The following MBIP variants were observed in gnomAD, a reference collection of about 807,000 sequenced individuals.
MBIP encodes MAP3K12-binding inhibitory protein 1.
In MBIP, 32 loss-of-function variants were observed where a neutral mutation model predicts 45.7. The observed-to-expected ratio is 0.70, with a 90% confidence interval of 0.53 to 0.94. The LOEUF is 0.94. MBIP is among the 40% of genes least tolerant of loss of function. The pLI is 0.00. For synonymous variants in MBIP, 145 were observed against 141.0 expected (o/e 1.03, Z -0.20); for missense variants, 381 against 405.5 (o/e 0.94, Z 0.52).
At chr14:36,315,596 T>C (rs1323836347) in intron 2 of MBIP, among the ~76,000 whole-genome samples, 1 of 152,120 alleles carries the variant, frequency 6.6e-6, no homozygotes, top group African/African-American at 2.4e-5. Context: ...CCTATCACTA[T>C]ACTACAGGGG....
intron 7 of MBIP, among the ~76,000 whole-genome samples, chr14:36,305,979 C>T (rs1369943139): frequency 6.6e-6 from 1 of 152,108 alleles, no homozygotes; most frequent in Non-Finnish European, 1.5e-5. Context: ...TCTCCTTATC[C>T]TTAGTTTCTC....
At chr14:36,316,084 A>C (rs1346699318) in intron 2 of MBIP, among the ~76,000 whole-genome samples, 5 of 152,184 alleles carry the variant, frequency 3.3e-5, no homozygotes, top group Non-Finnish European at 7.4e-5. Context: ...TGAAATATTT[A>C]AAAATATAAC....
chr14:36,320,416 A>T, intron 1 of MBIP, 44 bp downstream of exon 1: 1 of 1,612,668 alleles, frequency 6.2e-7, no homozygotes, highest in Non-Finnish European at 8.5e-7. Context: ...GCGAGGAGGG[A>T]CCGGATGGTT....
At position 36,299,009 on chromosome 14, in the gene MBIP, C is replaced by CA; in HGVS notation, c.*73_*74insT. ...GAAGTCTACATTGATAAATATATAT[C>CA]CGTTGAATTAATAACAGTGTAAGTT... On this transcript the variant is annotated 3_prime_UTR_variant, in exon 9 of 9. Coordinates refer to ENST00000416007, the MANE Select transcript of MBIP (RefSeq NM_016586.3). 5.8e-6 allele frequency: 6 copies of CA among 1,028,176 alleles called. No individual in the cohort carries two copies. The highest frequency in any genetic ancestry group is 9.1e-6 in the Non-Finnish European group (6 of 658,936). The allele number at this position is 1,028,176 out of a possible 1,614,324, so 63.7% of individuals were successfully genotyped here. A position where few individuals can be genotyped will look rare whatever the true frequency, so the allele number is the denominator to read the frequency against.
chr14:36,299,205 G>A lies in MBIP; in HGVS notation c.928-15C>T, dbSNP rs1000683214. On this transcript the variant is annotated splice_polypyrimidine_tract_variant and intron_variant, in intron 8 of 8. Transcript: ENST00000416007. Reference sequence around the variant, plus strand: ...GAATAGTTCTGCTGTAAACAATAACGACACAAATTGCTGAATAAGATTCTG... The same window carrying A: ...GAATAGTTCTGCTGTAAACAATAACAACACAAATTGCTGAATAAGATTCTG... The A allele has an allele frequency of 3.2e-6, 5 of 1,548,696 alleles. No homozygotes were observed. Among genetic ancestry groups the A allele is most frequent in the African/African-American group, 2.7e-5 (2 of 73,664 alleles).
intron 2 of MBIP, among the ~76,000 whole-genome samples, chr14:36,316,339 C>G (rs1880566414): frequency 6.6e-6 from 1 of 152,124 alleles, no homozygotes; most frequent in South Asian, 2.1e-4. Flanking sequence ...CCATGAGCCT[C>G]CAAACTCACC....
intron 4 of MBIP, 99 bp from the exon 5 acceptor site, chr14:36,312,123 CATA>C (rs1031934545): frequency 2.6e-4 from 148 of 579,656 alleles, no homozygotes; most frequent in South Asian, 1.9e-3. Flanking sequence ...ACATTTTACT[CATA>C]ATAATTTTAA....
chr14:36,313,022 C>T (rs1880300400), intron 4 of MBIP, among the ~76,000 whole-genome samples: 1 of 151,950 alleles, frequency 6.6e-6, no homozygotes. Flanking sequence ...TATTAAAATA[C>T]ATTTGTATTT....
chr14:36,306,947 A>C (rs1879916071), intron 7 of MBIP, among the ~76,000 whole-genome samples: 1 of 152,244 alleles, frequency 6.6e-6, no homozygotes, highest in African/African-American at 2.4e-5. Flanking sequence ...GAATAGAGTG[A>C]CTTTTCCACG....
At chr14:36,308,459 T>C (rs1280684928) in intron 6 of MBIP, among the ~76,000 whole-genome samples, 1 of 152,330 alleles carries the variant, frequency 6.6e-6, no homozygotes, top group East Asian at 1.9e-4. Flanking sequence ...TTACAAGATA[T>C]TGAATAGCTT....
intron 7 of MBIP, among the ~76,000 whole-genome samples, chr14:36,301,238 G>C (rs1422456028): frequency 6.6e-6 from 1 of 152,130 alleles, no homozygotes; most frequent in Non-Finnish European, 1.5e-5. Flanking sequence ...ATGAGGCCAA[G>C]GGGTGAAAAC....
rs1879375404 is a variant in MBIP, at chr14:36,299,139, C to A, written c.979G>T (p.Ala327Ser). 6.2e-7 allele frequency: 1 copy of A among 1,613,594 alleles called. No individual in the cohort carries two copies. Among genetic ancestry groups the A allele is most frequent in the Admixed American group, 1.7e-5 (1 of 59,970 alleles). The change falls in exon 9 of 9, where the codon GCC becomes TCC. Residue 327 changes from alanine to serine, a missense_variant. By Grantham distance (99) the Ala-to-Ser change is moderately conservative. Coordinates refer to ENST00000416007, the MANE Select transcript of MBIP (RefSeq NM_016586.3). ...GCTTCTCTTGATTTTCTGAGGAGGG[C>A]TTGTTTGAGGGCACTAATTTTCTCA... ...LDEKISALKQ[A>S]LLRKSREAES...
chr14:36,320,560 G>A lies in MBIP; in HGVS notation c.29C>T (p.Pro10Leu). 1.2e-6 allele frequency: 2 copies of A among 1,613,234 alleles called. No homozygotes were observed. The highest frequency in any genetic ancestry group is 1.7e-6 in the Non-Finnish European group (2 of 1,179,622). ...CTCCAGGTTCCTGTCACCGCTGCTCGGGCGATTAAGCTCCGTGGCAGCAGC... is the reference window on the plus strand; with the variant it reads ...CTCCAGGTTCCTGTCACCGCTGCTCAGGCGATTAAGCTCCGTGGCAGCAGC... MAAATELNR[P>L]SSGDRNLERR... Residue 10 changes from proline (P) to leucine (L), a missense_variant, in exon 1 of 9, where the codon CCG becomes CTG. Transcript: ENST00000416007.
At chr14:36,313,115 C>G (rs1880306315) in intron 4 of MBIP, among the ~76,000 whole-genome samples, 1 of 149,278 alleles carries the variant, frequency 6.7e-6, no homozygotes, top group Non-Finnish European at 1.5e-5. Context: ...GCTTTTATAT[C>G]TAGAGACTAA....
intron 4 of MBIP, 152 bp downstream of exon 4, chr14:36,314,357 CAGA>C (rs1375963253): frequency 1.8e-6 from 1 of 547,856 alleles, no homozygotes; most frequent in Non-Finnish European, 3.2e-6. Context: ...TATTATTAAG[CAGA>C]AGGAAACTCT....
intron 6 of MBIP, among the ~76,000 whole-genome samples, chr14:36,309,451 T>G (rs963082514): frequency 3.9e-5 from 6 of 152,318 alleles, no homozygotes; most frequent in Non-Finnish European, 8.8e-5. Flanking sequence ...AAGACTACAA[T>G]GCATGGCAAA....
intron 2 of MBIP, among the ~76,000 whole-genome samples, chr14:36,315,616 T>A (rs778930122): frequency 3.9e-5 from 6 of 152,090 alleles, no homozygotes; most frequent in Non-Finnish European, 8.8e-5. Flanking sequence ...GGAAAACCCC[T>A]GTTGTAGAAT....
chr14:36,314,043 G>T (rs1183980036), intron 4 of MBIP: 1 of 152,906 alleles, frequency 6.5e-6, no homozygotes, highest in African/African-American at 2.4e-5. Context: ...ATGATAAATT[G>T]GTTGTATCGT....
At chr14:36,311,515 C>A in intron 6 of MBIP, 58 bp downstream of exon 6, 1 of 1,515,532 alleles carries the variant, frequency 6.6e-7, no homozygotes, top group African/African-American at 1.4e-5. Context: ...AAATGAACTG[C>A]AATTTTTTAA....
Sources: gnomAD v4.1 joint callset for allele counts (sites outside exome capture counted in the v4.1 genomes callset) on GRCh38, gnomAD v4.1.1 for gene constraint, MANE v1.5 for transcripts, NCBI Gene and HGNC (gene_info 2026-07-23, HGNC 2026-07-21) for gene names.